Variants in CD22 observed in about 807,000 individuals in gnomAD.
CD22 encodes the protein B-cell receptor CD22.
A neutral mutation model predicts 94.7 loss-of-function variants in CD22; 51 were observed. That is an observed-to-expected ratio of 0.54 (90% CI 0.43 to 0.68). The LOEUF (loss-of-function observed/expected upper bound fraction) is 0.68, where lower values mean the gene tolerates loss of function less well. Among genes scored for constraint, CD22 ranks in the 30% least tolerant of loss-of-function variants. The probability of loss-of-function intolerance (pLI) is 0.00; values close to 1 mark genes in which losing one functional copy is unlikely to be tolerated. For missense variants in CD22, 931 were observed against 1,060.4 expected, an observed-to-expected ratio of 0.88 and a Z score of 1.69; for synonymous variants, 424 against 422.5, an observed-to-expected ratio of 1.00 and a Z score of -0.04.
At chr19:35,332,276 C>T (rs2066656713) in intron 2 of CD22, 2 of 646,734 alleles carry the variant, frequency 3.1e-6, no homozygotes, top group Non-Finnish European at 5.3e-6. Context: ...TTGTGTATCT[C>T]TGTATTTCTC....
Position 35,341,650 on chromosome 19 carries a change from A to G in CD22, c.1771+44A>G, listed in dbSNP as rs2066810464. ...CTGGGAGTGGAGCAGAGAAGGGACC[A>G]GTGGCCTGCCTGGTAGTGACTTCGC... On this transcript the variant is annotated intron_variant, in intron 8 of 13. Transcript: ENST00000085219. The surrounding 1 kb of genome is among the most constrained non-coding windows in gnomAD (Gnocchi z 4.0). 3 of 1,607,054 alleles carry G rather than the reference A, an allele frequency of 1.9e-6. No homozygotes were observed. Among genetic ancestry groups the G allele is most frequent in the Non-Finnish European group, 1.7e-6 (2 of 1,175,540 alleles).
intron 11 of CD22, 188 bp downstream of exon 11, chr19:35,345,314 G>T (rs903261536): frequency 3.3e-6 from 2 of 603,122 alleles, no homozygotes; most frequent in Non-Finnish European, 5.9e-6. Flanking sequence ...CCAGCTACTC[G>T]GGAGGCTGAG....
chr19:35,345,237 G>T, intron 11 of CD22, 111 bp downstream of exon 11: 2 of 862,562 alleles, frequency 2.3e-6, no homozygotes, highest in East Asian at 2.5e-5. Flanking sequence ...AGCCAACATG[G>T]TGAAACCCTG....
chr19:35,345,922 C>G (rs1054426264), intron 12 of CD22, among the ~76,000 whole-genome samples: 3 of 152,244 alleles, frequency 2.0e-5, no homozygotes, highest in African/African-American at 7.2e-5. Flanking sequence ...AGCACACATG[C>G]CCAGTCCGTT....
intron 1 of CD22, among the ~76,000 whole-genome samples, chr19:35,331,520 G>A (rs2066644108): frequency 6.6e-6 from 1 of 152,154 alleles, no homozygotes; most frequent in Admixed American, 6.5e-5. Flanking sequence ...GCCCCCGCAG[G>A]GCTCTCAGTT....
rs939584609 is a variant in CD22, at chr19:35,346,670, T to C, written c.2517T>C (p.Asn839=). The change falls in exon 14 of 14, where the codon AAT becomes AAC. Residue 839 remains asparagine (N), a synonymous_variant. Transcript: ENST00000085219. The part of the protein sequence containing the change: ...GVGERPQAQE[N]VDYVILKH ...GGGAGCGGCCTCAGGCACAAGAAAATGTGGACTATGTGATCCTCAAACATT... is the reference window on the plus strand; with the variant it reads ...GGGAGCGGCCTCAGGCACAAGAAAACGTGGACTATGTGATCCTCAAACATT... The C allele has an allele frequency of 6.2e-7, 1 of 1,610,048 alleles. No homozygotes were observed. The highest frequency in any genetic ancestry group is 8.5e-7 in the Non-Finnish European group (1 of 1,178,204).
chr19:35,345,187 G>A (rs2066883559), intron 11 of CD22, 61 bp downstream of exon 11: 4 of 1,453,574 alleles, frequency 2.8e-6, no homozygotes, highest in Non-Finnish European at 2.9e-6. Flanking sequence ...GGAGGCTGAG[G>A]CAGGTGGATC....
At chr19:35,340,777 C>T in intron 6 of CD22, 104 bp from the exon 7 acceptor site, 1 of 1,259,532 alleles carries the variant, frequency 7.9e-7, no homozygotes, top group Non-Finnish European at 1.1e-6. Flanking sequence ...AATTTAGGAC[C>T]TGTGCAGATG....
intron 1 of CD22, 103 bp downstream of exon 1, chr19:35,329,333 C>T (rs1297977233): frequency 3.0e-6 from 2 of 666,902 alleles, no homozygotes; most frequent in East Asian, 1.3e-4. Context: ...ACAGTGGGGA[C>T]CTCCCTGGCT....
chr19:35,346,483 G>A, intron 13 of CD22, 83 bp from the exon 14 acceptor site: 1 of 1,534,220 alleles, frequency 6.5e-7, no homozygotes, highest in Non-Finnish European at 8.8e-7. Context: ...CCCCCGGGTG[G>A]AATGAAGGAG....
chr19:35,329,453 A>G (rs1362157596), intron 1 of CD22: 6 of 364,482 alleles, frequency 1.6e-5, no homozygotes, highest in South Asian at 1.0e-4. Flanking sequence ...GATGCCCAGG[A>G]GGGAAGAAGG....
At chr19:35,344,038 A>G (rs1374788101) in intron 9 of CD22, among the ~76,000 whole-genome samples, 1 of 152,214 alleles carries the variant, frequency 6.6e-6, no homozygotes, top group Non-Finnish European at 1.5e-5. Context: ...TCTACTAAAA[A>G]TACAAAAATT....
intron 9 of CD22, 97 bp downstream of exon 9, chr19:35,342,062 C>CCT: frequency 8.9e-7 from 1 of 1,122,702 alleles, no homozygotes; most frequent in Non-Finnish European, 1.3e-6. Context: ...TCCTTTCTTT[C>CCT]TCTCTTTCTT....
intron 9 of CD22, among the ~76,000 whole-genome samples, chr19:35,343,086 C>T (rs2066842826): frequency 1.3e-5 from 2 of 151,578 alleles, no homozygotes; most frequent in African/African-American, 4.9e-5. Flanking sequence ...GCGTGAGCCA[C>T]CGCACCCGGC....
At chr19:35,335,077 CAAA>C (rs35391333) in intron 3 of CD22, among the ~76,000 whole-genome samples, 62 of 73,652 alleles carry the variant, frequency 8.4e-4, no homozygotes, top group Admixed American at 2.1e-3. Flanking sequence ...GACTCTGTCT[CAAA>C]AAAAAAAAAA....
chr19:35,343,123 A>C, intron 9 of CD22, among the ~76,000 whole-genome samples: 1 of 144,710 alleles, frequency 6.9e-6, no homozygotes. Flanking sequence ...TTTTTGAGAC[A>C]GGGTCTCACC....
chr19:35,336,624 G>A, intron 4 of CD22: 1 of 459,938 alleles, frequency 2.2e-6, no homozygotes, highest in South Asian at 2.6e-5. Flanking sequence ...TCATTATCTT[G>A]TGCCTCATTC....
chr19:35,345,132 A>AATAAAAAGGTGCCCAGC lies in CD22; in HGVS notation c.2208+6_2208+7insATAAAAAGGTGCCCAGC. 6.2e-7 allele frequency: 1 copy of AATAAAAAGGTGCCCAGC among 1,613,278 alleles called. No homozygotes were observed. Among genetic ancestry groups the AATAAAAAGGTGCCCAGC allele is most frequent in the Middle Eastern group, 1.7e-4 (1 of 5,982 alleles). Reference sequence around the variant, plus strand: ...TCTTTGTGAGGAATAAAAAGGTAGGATGGGGCTGGGCACGATGGCTCATGC... The same window carrying AATAAAAAGGTGCCCAGC: ...TCTTTGTGAGGAATAAAAAGGTAGGAATAAAAAGGTGCCCAGCTGGGGCTGGGCACGATGGCTCATGC... On this transcript the variant is annotated splice_region_variant and intron_variant, in intron 11 of 13. Coordinates refer to ENST00000085219, the MANE Select transcript of CD22 (RefSeq NM_001771.4).
chr19:35,346,295 G>T (rs2066906609), intron 13 of CD22, 60 bp downstream of exon 13: 1 of 1,426,224 alleles, frequency 7.0e-7, no homozygotes, highest in Non-Finnish European at 9.9e-7. Context: ...GACAGGGCCT[G>T]GCCTCAGTGG....
Sources: gnomAD v4.1 joint callset for allele counts (sites outside exome capture counted in the v4.1 genomes callset) on GRCh38, gnomAD v4.1.1 for gene constraint, Gnocchi (gnomAD v3.1) non-coding constraint, MANE v1.5 for transcripts, NCBI Gene and HGNC (gene_info 2026-07-23, HGNC 2026-07-21) for gene names.